RUFY1: variants seen among roughly 807,000 people sequenced by gnomAD.
RUFY1 encodes RUN and FYVE domain containing 1.
In RUFY1, 54 loss-of-function variants were observed where a neutral mutation model predicts 94.6. The ratio of observed to expected loss-of-function variants is 0.57; its 90% CI spans 0.46 to 0.72. RUFY1 has a LOEUF of 0.72. Ranked by LOEUF, RUFY1 falls within the 30% of genes least tolerant of loss-of-function variation. The probability of loss-of-function intolerance (pLI) is 0.00; values close to 1 mark genes in which losing one functional copy is unlikely to be tolerated. For missense variants in RUFY1, 883 were observed against 883.9 expected (o/e 1.00, Z 0.01); for synonymous variants, 396 against 347.3 (o/e 1.14, Z -1.56).
intron 16 of RUFY1, chr5:179,607,347 G>A: frequency 1.8e-6 from 1 of 552,222 alleles, no homozygotes; most frequent in Non-Finnish European, 3.2e-6. Flanking sequence ...AGGCCCCAGG[G>A]CAGCCTGCAG....
At chr5:179,563,169 T>A (rs564657652) in intron 3 of RUFY1, among the ~76,000 whole-genome samples, 1 of 152,122 alleles carries the variant, frequency 6.6e-6, no homozygotes, top group South Asian at 2.1e-4. Context: ...CTAGAAAGGG[T>A]CTTAGGGATC....
chr5:179,566,627 A>G (rs1232631205), intron 3 of RUFY1, among the ~76,000 whole-genome samples: 20 of 61,718 alleles, frequency 3.2e-4, no homozygotes, highest in African/African-American at 1.2e-3. Flanking sequence ...TCCATCTCGA[A>G]AAAAAAAAAA....
At chr5:179,579,069 G>C (rs1358133841) in intron 6 of RUFY1, among the ~76,000 whole-genome samples, 1 of 152,202 alleles carries the variant, frequency 6.6e-6, no homozygotes, top group Non-Finnish European at 1.5e-5. Flanking sequence ...AGTCATGGGA[G>C]GGGGTTTTCA....
intron 1 of RUFY1, among the ~76,000 whole-genome samples, chr5:179,552,182 A>AAAAAAAAAAAAAAC (rs1278491799): frequency 3.3e-5 from 5 of 149,844 alleles, no homozygotes; most frequent in African/African-American, 1.2e-4. Flanking sequence ...AAAAAAAAAA[A>AAAAAAAAAAAAAAC]AAAAACTTGT....
At chr5:179,573,736 C>T (rs1204141263) in intron 5 of RUFY1, among the ~76,000 whole-genome samples, 1 of 152,060 alleles carries the variant, frequency 6.6e-6, no homozygotes, top group Non-Finnish European at 1.5e-5. Flanking sequence ...GTTGGCCAGG[C>T]TGGTCTTGAA....
intron 6 of RUFY1, among the ~76,000 whole-genome samples, chr5:179,578,088 A>G (rs1309414177): frequency 6.6e-6 from 1 of 152,160 alleles, no homozygotes; most frequent in African/African-American, 2.4e-5. Flanking sequence ...AGACTGTTTA[A>G]TGCCTTACAG....
chr5:179,592,320 A>G (rs1361187878), intron 10 of RUFY1, among the ~76,000 whole-genome samples: 1 of 152,098 alleles, frequency 6.6e-6, no homozygotes, highest in Non-Finnish European at 1.5e-5. Flanking sequence ...GGGTTTCACC[A>G]TGTTGGCCAA....
intron 1 of RUFY1, chr5:179,555,628 T>A (rs1321358963): frequency 3.6e-5 from 12 of 335,130 alleles, no homozygotes; most frequent in South Asian, 1.6e-4. Flanking sequence ...CAACTTTTTT[T>A]TTTTTTTTTT....
Position 179,598,768 on chromosome 5 carries a change from G to A in RUFY1, c.1708G>A (p.Asp570Asn), listed in dbSNP as rs746558643. ...ALQRELQHEK[D>N]TSSLLRMELQ... ...TCAGCGCGAATTACAGCACGAGAAA[G>A]ACACTTCCTCTCTACTCAGGATGGA... Residue 570 changes from aspartate (D) to asparagine (N), a missense_variant, in exon 14 of 18, where the codon GAC becomes AAC. By Grantham distance (23) the Asp-to-Asn change is conservative. Coordinates refer to ENST00000319449, the MANE Select transcript of RUFY1 (RefSeq NM_025158.5). The A allele has an allele frequency of 1.2e-6, 2 of 1,614,062 alleles. No homozygotes were observed. The highest frequency in any genetic ancestry group is 1.7e-6 in the Non-Finnish European group (2 of 1,180,038).
At position 179,594,902 on chromosome 5, in the gene RUFY1, A is replaced by G. The variant is rs774972144; in HGVS notation, c.1450A>G (p.Ile484Val). The part of the protein sequence containing the change: ...ESSLQQKNEA[I>V]TSFEGKTNQV... ...CAGTTTGCAGCAGAAGAATGAAGCC[A>G]TCACATCCTTTGAAGGAAAAACCAA... is the stretch of plus-strand genomic sequence containing the variant. Residue 484 changes from isoleucine to valine, a missense_variant, in exon 12 of 18, where the codon ATC becomes GTC. Physicochemically the swap from Ile to Val is conservative, Grantham distance 29. Transcript: ENST00000319449. 2 of 1,613,750 alleles carry G rather than the reference A, an allele frequency of 1.2e-6. No homozygotes were observed. The highest frequency in any genetic ancestry group is 1.7e-5 in the Admixed American group (1 of 59,992).
At chr5:179,575,016 C>T (rs1289265853) in intron 5 of RUFY1, among the ~76,000 whole-genome samples, 1 of 149,284 alleles carries the variant, frequency 6.7e-6, no homozygotes, top group African/African-American at 2.5e-5. Context: ...AGAAGTTGAA[C>T]CTCCTCTTCT....
chr5:179,595,521 G>GT (rs1476293105), intron 12 of RUFY1, among the ~76,000 whole-genome samples: 1 of 151,494 alleles, frequency 6.6e-6, no homozygotes, highest in Non-Finnish European at 1.5e-5. Flanking sequence ...GGCAGCTACG[G>GT]TTTCTTTTTG....
chr5:179,595,746 C>T, intron 12 of RUFY1, among the ~76,000 whole-genome samples: 1 of 151,988 alleles, frequency 6.6e-6, no homozygotes, highest in Admixed American at 6.6e-5. Flanking sequence ...GATGGGGTTT[C>T]TCCATATTGA....
intron 2 of RUFY1, among the ~76,000 whole-genome samples, chr5:179,561,236 T>C (rs536064026): frequency 0.025 from 3,846 of 151,924 alleles, 68 homozygotes; most frequent in South Asian, 0.083. Flanking sequence ...AATAAATTAA[T>C]TAATTAATTA....
At chr5:179,574,693 C>T (rs964386097) in intron 5 of RUFY1, among the ~76,000 whole-genome samples, 7 of 152,128 alleles carry the variant, frequency 4.6e-5, no homozygotes, top group African/African-American at 1.4e-4. Context: ...TGAAAGTATT[C>T]TCTTACAGCT....
chr5:179,580,457 T>C (rs1242697283), intron 6 of RUFY1, among the ~76,000 whole-genome samples: 1 of 151,584 alleles, frequency 6.6e-6, no homozygotes, highest in Non-Finnish European at 1.5e-5. Context: ...TTAGCCAGGA[T>C]GGTCTCCATC....
chr5:179,596,372 G>GGT lies in RUFY1; in HGVS notation c.1512-188_1512-187dup. 5.5e-6 allele frequency: 4 copies of GGT among 732,168 alleles called. No individual in the cohort carries two copies. In the South Asian group the frequency reaches 6.3e-5, roughly 11 times the overall value. The allele number at this position is 732,168 out of a possible 1,614,324, so 45.4% of individuals were successfully genotyped here. A position where few individuals can be genotyped will look rare whatever the true frequency, so the allele number is the denominator to read the frequency against. On this transcript the variant is annotated intron_variant, in intron 12 of 17. Coordinates refer to ENST00000319449, the MANE Select transcript of RUFY1 (RefSeq NM_025158.5). ...CAGATGAGTGGTTGCCAGGGGCTGA[G>GGT]GTGGGGAGTTTTGGGAGTGGTGGGA...
chr5:179,567,579 G>A lies in RUFY1; in HGVS notation c.704+17G>A. 1 of 1,549,912 alleles carries A rather than the reference G, an allele frequency of 6.5e-7. No homozygotes were observed. The highest frequency in any genetic ancestry group is 8.9e-7 in the Non-Finnish European group (1 of 1,121,896). ...TCTCTTAAGGTATTTCATCAACCATGTTTGCTTATCTTTTGCTTGGTAAAT... is the reference window on the plus strand; with the variant it reads ...TCTCTTAAGGTATTTCATCAACCATATTTGCTTATCTTTTGCTTGGTAAAT... On this transcript the variant is annotated intron_variant, in intron 4 of 17. Transcript: ENST00000319449.
chr5:179,607,962 T>C (rs1767286118), intron 17 of RUFY1, among the ~76,000 whole-genome samples: 1 of 152,170 alleles, frequency 6.6e-6, no homozygotes, highest in Non-Finnish European at 1.5e-5. Flanking sequence ...TAGGGGAGTG[T>C]CATTGAAAAT....
Sources: gnomAD v4.1 joint callset for allele counts (sites outside exome capture counted in the v4.1 genomes callset) on GRCh38, gnomAD v4.1.1 for gene constraint, MANE v1.5 for transcripts, NCBI Gene and HGNC (gene_info 2026-07-23, HGNC 2026-07-21) for gene names.